Variants in KDM5C observed in about 807,000 individuals in gnomAD.
The protein encoded by KDM5C is lysine-specific demethylase 5C.
KDM5C carries 16 observed loss-of-function variants against 110.6 expected under a neutral mutation model. The ratio of observed to expected loss-of-function variants is 0.14; its 90% CI spans 0.10 to 0.22. KDM5C has a LOEUF of 0.22. Ranked by LOEUF, KDM5C falls within the 10% of genes least tolerant of loss-of-function variation. KDM5C has a pLI of 1.00. For missense variants in KDM5C, 681 were observed against 1,300.9 expected (o/e 0.52, Z 7.33); for synonymous variants, 511 against 520.4 (o/e 0.98, Z 0.24).
intron 25 of KDM5C, among the ~76,000 whole-genome samples, chrX:53,178,465 A>C (rs2146781057): frequency 8.9e-6 from 1 of 112,430 alleles, no homozygotes; most frequent in South Asian, 3.7e-4. Context: ...TATGAACAAC[A>C]ATAAATACAT....
intron 25 of KDM5C, among the ~76,000 whole-genome samples, chrX:53,180,365 T>C (rs1249133322): frequency 2.7e-5 from 3 of 111,483 alleles, no homozygotes; most frequent in Non-Finnish European, 5.7e-5. Flanking sequence ...CATGTCATTA[T>C]ACATTTGTCA....
chrX:53,201,644 T>C lies in KDM5C; in HGVS notation c.1967A>G (p.Glu656Gly), dbSNP rs1556841804. ...TGCCGCCAGGTTCAGGTCTAGCTTC[T>C]CTGGGCAGGCAGCCATCTTGCAGAT... ...ELICKMAACPEKLDLNLAAAV... is the reference protein window; with the variant it reads ...ELICKMAACPGKLDLNLAAAV... The change falls in exon 14 of 26, where the codon GAG (glutamate) becomes GGG (glycine). Residue 656 changes from glutamate (E) to glycine (G), a missense_variant. By Grantham distance (98) the Glu-to-Gly change is moderately conservative (BLOSUM62 -2). Transcript: ENST00000375401. 2 of 1,210,592 alleles carry C rather than the reference T, an allele frequency of 1.7e-6. No individual in the cohort carries two copies. Among genetic ancestry groups the C allele is most frequent in the African/African-American group, 3.5e-5 (2 of 57,311 alleles).
At chrX:53,213,472 G>A (rs782758973) in intron 8 of KDM5C, among the ~76,000 whole-genome samples, 12 of 112,187 alleles carry the variant, frequency 1.1e-4, no homozygotes, top group Middle Eastern at 4.6e-3. Flanking sequence ...AATGTAGAAG[G>A]TAAGTACCGA....
chrX:53,203,735 T>G (rs1182420858), intron 12 of KDM5C, among the ~76,000 whole-genome samples: 1 of 110,213 alleles, frequency 9.1e-6, no homozygotes, highest in African/African-American at 3.3e-5. Context: ...GTTGCTTCTG[T>G]TTTTTGGGGG....
chrX:53,213,610 T>C (rs1053908428), intron 8 of KDM5C, among the ~76,000 whole-genome samples: 4 of 111,635 alleles, frequency 3.6e-5, no homozygotes, highest in African/African-American at 9.8e-5. Context: ...TCTCCTGCTA[T>C]ACCTCTGTTC....
chrX:53,208,745 TC>T (rs1726188437), intron 12 of KDM5C, among the ~76,000 whole-genome samples: 1 of 103,015 alleles, frequency 9.7e-6, no homozygotes, highest in Non-Finnish European at 2.0e-5. Flanking sequence ...CCTCAGGTGA[TC>T]CGGCCGCCTC....
chrX:53,195,209 A>G, intron 21 of KDM5C, 22 bp downstream of exon 21: 1 of 1,192,848 alleles, frequency 8.4e-7, no homozygotes, highest in Non-Finnish European at 1.1e-6. Context: ...GAGACGCTGT[A>G]GGTCAAGGTC....
intron 7 of KDM5C, 119 bp downstream of exon 7, chrX:53,215,676 G>A (rs1556851411): frequency 5.5e-6 from 4 of 720,847 alleles, no homozygotes; most frequent in Non-Finnish European, 8.7e-6. Flanking sequence ...GCTACCTGAG[G>A]GCAGGGCCCA....
intron 1 of KDM5C, 127 bp downstream of exon 1, chrX:53,224,613 G>C (rs2073989150): frequency 2.3e-6 from 2 of 868,154 alleles, no homozygotes; most frequent in African/African-American, 3.9e-5. Context: ...GATCCGCGCC[G>C]CAACCACAAC....
In KDM5C at chrX:53,177,289, G is replaced by A. The variant is rs371156057; in HGVS notation, c.4309-667C>T. Among the ~76,000 whole-genome samples the A allele has an allele frequency of 2.1e-4, 24 of 112,239 alleles. 1 individual carries two copies. The East Asian group carries it at 3.3e-3, about 16-fold the overall frequency. The stretch of plus-strand genomic sequence containing the variant: ...CCAGCTACTCGGGAGGCTGAAGCTG[G>A]AGGATCACTGGAGCCCAGAAGCTTG... On this transcript the variant is annotated intron_variant, in intron 25 of 25. Coordinates refer to the KDM5C transcript ENST00000685641.
At chrX:53,212,878 G>A (rs1556849704) in intron 8 of KDM5C, 1 of 110,201 alleles carries the variant, frequency 9.1e-6, no homozygotes, top group East Asian at 2.9e-4. Context: ...GCAGGCGCCT[G>A]TAATCCCAGC....
chrX:53,211,357 T>C (rs1441270507), intron 10 of KDM5C, 140 bp downstream of exon 10: 5 of 662,905 alleles, frequency 7.5e-6, no homozygotes, highest in Non-Finnish European at 1.2e-5. Context: ...CAGACTGTTT[T>C]CTTTCATCTC....
chrX:53,208,803 C>CTT (rs1569272309), intron 12 of KDM5C, among the ~76,000 whole-genome samples: 29 of 47,036 alleles, frequency 6.2e-4, no homozygotes, highest in Non-Finnish European at 9.7e-4. Flanking sequence ...CCACACCCGG[C>CTT]TCTTTTTTTT....
At chrX:53,224,083 A>AAAT (rs1217384151) in intron 1 of KDM5C, among the ~76,000 whole-genome samples, 1 of 112,372 alleles carries the variant, frequency 8.9e-6, no homozygotes, top group Non-Finnish European at 1.9e-5. Flanking sequence ...AGGTATGAGT[A>AAAT]AATATGAGTC....
At chrX:53,211,047 C>T (rs1487922649) in intron 10 of KDM5C, among the ~76,000 whole-genome samples, 190 bp from the exon 11 acceptor site, 1 of 111,820 alleles carries the variant, frequency 8.9e-6, no homozygotes, top group African/African-American at 3.3e-5. Context: ...CAATTGTATT[C>T]ACTTCAATTT....
rs1228901534 is a variant in KDM5C, at chrX:53,193,009, C to T, written c.4641G>A (p.Leu1547=). 8.5e-7 allele frequency: 1 copy of T among 1,183,409 alleles called. No individual in the cohort carries two copies. Among genetic ancestry groups the T allele is most frequent in the East Asian group, 3.0e-5 (1 of 33,343 alleles). ...GCGGCTGCTGTGGGCAGGGCAGATG[C>T]AGCCGGGGAGTCAGAGTGGAGAAAG... ...SAPFSTLTPR[L]HLPCPQQPPQ... Residue 1547 remains leucine (L), a synonymous_variant, in exon 26 of 26, where the codon CTG becomes CTA. Coordinates refer to ENST00000375401, the MANE Select transcript of KDM5C (RefSeq NM_004187.5).
intron 8 of KDM5C, among the ~76,000 whole-genome samples, chrX:53,214,008 G>A (rs2073664317): frequency 9.1e-6 from 1 of 109,441 alleles, no homozygotes; most frequent in Non-Finnish European, 1.9e-5. Flanking sequence ...AGGCTGGAGT[G>A]CAGTGGCATG....
intron 1 of KDM5C, among the ~76,000 whole-genome samples, chrX:53,221,128 G>A (rs1456596567): frequency 1.1e-5 from 1 of 88,366 alleles, no homozygotes; most frequent in Admixed American, 1.5e-4. Context: ...TGCACCCAAG[G>A]CCCCATGCAC....
chrX:53,196,538 G>T, intron 19 of KDM5C, 148 bp downstream of exon 19: 1 of 520,703 alleles, frequency 1.9e-6, no homozygotes, highest in Non-Finnish European at 3.3e-6. Context: ...TTAAAAAAAC[G>T]ACAAGATAGA....
Sources: allele counts gnomAD v4.1 joint callset (sites outside exome capture counted in the v4.1 genomes callset), GRCh38; gene constraint gnomAD v4.1.1; transcripts MANE v1.5; gene names NCBI Gene and HGNC (gene_info 2026-07-23, HGNC 2026-07-21).